TTC28: variants seen among roughly 807,000 people sequenced by gnomAD.
TTC28 encodes the protein tetratricopeptide repeat domain 28, also known as tetratricopeptide repeat protein 28.
A neutral mutation model predicts 198.0 loss-of-function variants in TTC28; 61 were observed. That is an observed-to-expected ratio of 0.31 (90% CI 0.25 to 0.38). TTC28 has a LOEUF of 0.38. Among genes scored for constraint, TTC28 ranks in the 10% least tolerant of loss-of-function variants. The probability of loss-of-function intolerance (pLI) is 1.00; values close to 1 mark genes in which losing one functional copy is unlikely to be tolerated. For synonymous variants in TTC28, 1,171 were observed against 1,297.8 expected (o/e 0.90, Z 2.10); for missense variants, 2,678 against 3,164.0 (o/e 0.85, Z 3.69).
At chr22:28,553,395 G>C (rs372331813) in intron 2 of TTC28, among the ~76,000 whole-genome samples, 1 of 150,462 alleles carries the variant, frequency 6.6e-6, no homozygotes, top group Non-Finnish European at 1.5e-5. Flanking sequence ...GTCTCTGCCC[G>C]GCCGCCCATC....
intron 2 of TTC28, among the ~76,000 whole-genome samples, chr22:28,601,015 C>T (rs1274991983): frequency 1.3e-5 from 2 of 152,054 alleles, no homozygotes; most frequent in Non-Finnish European, 2.9e-5. Context: ...TCAGTTTATA[C>T]CATTTTTACA....
At chr22:28,552,694 G>A (rs1378191340) in intron 2 of TTC28, among the ~76,000 whole-genome samples, 1 of 152,018 alleles carries the variant, frequency 6.6e-6, no homozygotes, top group Non-Finnish European at 1.5e-5. Context: ...GAATGAAACT[G>A]GATCCTCATC....
At chr22:28,214,836 T>A (rs868015263) in intron 5 of TTC28, among the ~76,000 whole-genome samples, 10 of 152,208 alleles carry the variant, frequency 6.6e-5, no homozygotes, top group African/African-American at 2.4e-4. Flanking sequence ...TGCACACGTA[T>A]GTTTATTGTG....
chr22:28,524,497 C>G (rs1253073283), intron 2 of TTC28, among the ~76,000 whole-genome samples: 1 of 150,278 alleles, frequency 6.7e-6, no homozygotes, highest in African/African-American at 2.5e-5. Flanking sequence ...GGTATCCAGA[C>G]AGGCACAATG....
At chr22:27,986,713 G>A (rs1020068603) in intron 21 of TTC28, among the ~76,000 whole-genome samples, 4 of 152,180 alleles carry the variant, frequency 2.6e-5, no homozygotes, top group African/African-American at 4.8e-5. Flanking sequence ...AAACCCCTCC[G>A]TCTCTCTATC....
intron 14 of TTC28, among the ~76,000 whole-genome samples, chr22:28,012,094 C>G (rs1460852172): frequency 6.6e-6 from 1 of 152,108 alleles, no homozygotes; most frequent in African/African-American, 2.4e-5. Context: ...GGAGGGAAGG[C>G]TGGTAGTAAG....
chr22:28,393,781 C>T (rs1026866543), intron 2 of TTC28, among the ~76,000 whole-genome samples: 2 of 152,158 alleles, frequency 1.3e-5, no homozygotes, highest in African/African-American at 4.8e-5. Flanking sequence ...AAGAAAAATT[C>T]AAAGTGAAAG....
Position 28,371,912 on chromosome 22 carries a change from T to A in TTC28, c.382-65269A>T, listed in dbSNP as rs542320156. ...AAAAAAAAATTTTTTTAATGAATTT[T>A]TTTTATTTTATTATTATTATACTTA... On this transcript the variant is annotated intron_variant, in intron 2 of 22. Transcript: ENST00000397906. Among the ~76,000 whole-genome samples the A allele has an allele frequency of 1.3e-4, 20 of 151,476 alleles. No homozygotes were observed. The East Asian group carries it at 1.8e-3, about 13-fold the overall frequency.
chr22:28,187,500 A>G (rs540646975), intron 5 of TTC28, among the ~76,000 whole-genome samples: 2 of 152,292 alleles, frequency 1.3e-5, no homozygotes, highest in African/African-American at 2.4e-5. Context: ...TATACACACT[A>G]TACACAACAC....
At chr22:28,385,965 A>T (rs1176292728) in intron 2 of TTC28, among the ~76,000 whole-genome samples, 1 of 152,130 alleles carries the variant, frequency 6.6e-6, no homozygotes, top group Non-Finnish European at 1.5e-5. Context: ...GCCCCGCTCG[A>T]GTCCCATTTT....
intron 2 of TTC28, among the ~76,000 whole-genome samples, chr22:28,494,392 T>C (rs2048422920): frequency 6.6e-6 from 1 of 152,178 alleles, no homozygotes; most frequent in South Asian, 2.1e-4. Flanking sequence ...GGTCATAGTC[T>C]AGGCCAATTA....
chr22:28,351,795 T>C (rs576806106), intron 2 of TTC28, among the ~76,000 whole-genome samples: 3 of 152,326 alleles, frequency 2.0e-5, no homozygotes, highest in African/African-American at 7.2e-5. Context: ...AAGTCTGCTT[T>C]AAAGATAAGG....
intron 2 of TTC28, among the ~76,000 whole-genome samples, chr22:28,585,594 G>A (rs185674665): frequency 6.6e-5 from 10 of 152,224 alleles, no homozygotes; most frequent in Admixed American, 1.3e-4. Flanking sequence ...GTATCAGTCC[G>A]TGGCCCAGGG....
intron 2 of TTC28, among the ~76,000 whole-genome samples, chr22:28,363,611 T>C (rs574083533): frequency 6.6e-6 from 1 of 152,206 alleles, no homozygotes; most frequent in South Asian, 2.1e-4. Flanking sequence ...ACCATGCACC[T>C]GGAAAAGCCA....
chr22:28,143,858 C>T (rs768764067), intron 6 of TTC28, among the ~76,000 whole-genome samples: 6 of 152,138 alleles, frequency 3.9e-5, no homozygotes, highest in South Asian at 2.1e-4. Context: ...TTTCTTCCAG[C>T]GAATCTTACA....
At chr22:28,544,373 C>A (rs1352517461) in intron 2 of TTC28, among the ~76,000 whole-genome samples, 1 of 152,230 alleles carries the variant, frequency 6.6e-6, no homozygotes, top group Admixed American at 6.5e-5. Context: ...TAAAAGAAAG[C>A]ATTTGATAGT....
chr22:28,032,251 A>C (rs1178531643), intron 12 of TTC28, among the ~76,000 whole-genome samples: 1 of 74,016 alleles, frequency 1.4e-5, no homozygotes, highest in Non-Finnish European at 2.4e-5. Context: ...TATATATAAA[A>C]TATATATATA....
rs117614042 is a variant in TTC28 at position 28,317,211 on chromosome 22, T to C, written c.382-10568A>G. On this transcript the variant is annotated intron_variant, in intron 2 of 22. Coordinates refer to ENST00000397906, the MANE Select transcript of TTC28 (RefSeq NM_001145418.2). ...AGAGAATGGTTGTAATAGCTACTAT[T>C]AAAATCTTTGTGTGATAATTTTAAC... is the stretch of plus-strand genomic sequence containing the variant. Among the ~76,000 whole-genome samples the C allele has an allele frequency of 3.2e-3, 480 of 152,366 alleles. 3 individuals are homozygous for C. The highest frequency in any genetic ancestry group is 6.8e-3 in the Middle Eastern group (2 of 294).
chr22:28,406,590 CTGT>C (rs1244461376), intron 2 of TTC28, among the ~76,000 whole-genome samples: 2 of 152,280 alleles, frequency 1.3e-5, no homozygotes, highest in African/African-American at 4.8e-5. Flanking sequence ...TTGATAACAT[CTGT>C]TACATTAAAA....
Sources: allele counts gnomAD v4.1 joint callset (sites outside exome capture counted in the v4.1 genomes callset), GRCh38; gene constraint gnomAD v4.1.1; transcripts MANE v1.5; gene names NCBI Gene and HGNC (gene_info 2026-07-23, HGNC 2026-07-21).